KCNH8: variants seen among roughly 807,000 people sequenced by gnomAD.
KCNH8 encodes the protein potassium voltage-gated channel subfamily H member 8.
In KCNH8, 70 loss-of-function variants were observed where a neutral mutation model predicts 103.6. The observed-to-expected ratio is 0.68, with a 90% CI of 0.56 to 0.82. The LOEUF (loss-of-function observed/expected upper bound fraction) is 0.82, where lower values mean the gene tolerates loss of function less well. Ranked by LOEUF, KCNH8 falls within the 40% of genes least tolerant of loss-of-function variation. The pLI, the probability that KCNH8 is intolerant of heterozygous loss-of-function variation, is 0.00. For synonymous variants in KCNH8, 498 were observed against 489.4 expected (o/e 1.02, Z -0.23); for missense variants, 1,217 against 1,329.9 (o/e 0.92, Z 1.32).
At chr3:19,449,094 G>T in intron 8 of KCNH8, 1 of 495,804 alleles carries the variant, frequency 2.0e-6, no homozygotes. Flanking sequence ...GGAAAGTGAG[G>T]TCCATCCTTT....
chr3:19,530,643 A>G (rs1273910057), intron 15 of KCNH8, among the ~76,000 whole-genome samples: 1 of 152,180 alleles, frequency 6.6e-6, no homozygotes, highest in African/African-American at 2.4e-5. Context: ...ACATTTTTAG[A>G]GATGACGCTA....
In KCNH8 at chr3:19,364,219, C is replaced by T. The variant is rs189000891; in HGVS notation, c.811+16254C>T. On this transcript the variant is annotated intron_variant, in intron 5 of 15. Coordinates refer to ENST00000328405, the MANE Select transcript of KCNH8 (RefSeq NM_144633.3). ...AGGTCCGTATACCCATATACCCCCA[C>T]GTCTTCATGCCCACGCCTCCACAAC... Among the ~76,000 whole-genome samples the T allele has an allele frequency of 2.0e-3, 307 of 152,168 alleles. 3 individuals carry two copies. In the South Asian group the frequency reaches 0.025, roughly 12 times the overall value.
chr3:19,436,704 G>C (rs781136940), intron 7 of KCNH8, among the ~76,000 whole-genome samples: 1 of 152,148 alleles, frequency 6.6e-6, no homozygotes, highest in Non-Finnish European at 1.5e-5. Context: ...GTTGCTCCCT[G>C]AAACACTTCA....
chr3:19,291,219 A>C (rs553358007), intron 3 of KCNH8, among the ~76,000 whole-genome samples: 37 of 152,214 alleles, frequency 2.4e-4, no homozygotes, highest in African/African-American at 8.7e-4. Context: ...GATTTTTTGA[A>C]GGGTTTTTTG....
chr3:19,160,426 C>A (rs1299671547), intron 1 of KCNH8, among the ~76,000 whole-genome samples: 1 of 152,014 alleles, frequency 6.6e-6, no homozygotes, highest in East Asian at 1.9e-4. Context: ...TATATGCAAT[C>A]ATGTAACCAC....
intron 12 of KCNH8, among the ~76,000 whole-genome samples, chr3:19,512,643 G>C (rs977877627): frequency 1.3e-5 from 2 of 152,142 alleles, no homozygotes; most frequent in African/African-American, 4.8e-5. Flanking sequence ...TATTACAAAT[G>C]ACAGGCTGAT....
At chr3:19,210,942 G>C (rs905321280) in intron 1 of KCNH8, among the ~76,000 whole-genome samples, 1 of 152,120 alleles carries the variant, frequency 6.6e-6, no homozygotes, top group African/African-American at 2.4e-5. Flanking sequence ...GAAGATGTTT[G>C]CATACTATCC....
At position 19,518,044 on chromosome 3, in the gene KCNH8, C is replaced by A; in HGVS notation, c.2589C>A (p.Thr863=). 1 of 1,612,122 alleles carries A rather than the reference C, an allele frequency of 6.2e-7. No homozygotes were observed. The highest frequency in any genetic ancestry group is 1.1e-5 in the South Asian group (1 of 91,038). The change falls in exon 15 of 16, where the codon ACC becomes ACA. Residue 863 remains threonine (T), a synonymous_variant. Coordinates refer to ENST00000328405, the MANE Select transcript of KCNH8 (RefSeq NM_144633.3). ...AAVLFIKAEE[T]KQQINKLNSE... is the part of the protein sequence containing the mutation. ...TTCTCTTCATCAAAGCAGAGGAGAC[C>A]AAGCAGCAGATAAACAAACTCAACA...
intron 1 of KCNH8, among the ~76,000 whole-genome samples, chr3:19,168,645 C>G (rs1470098821): frequency 1.3e-5 from 2 of 152,118 alleles, no homozygotes; most frequent in African/African-American, 4.8e-5. Flanking sequence ...TAAATGTGAA[C>G]AGCCATAAAC....
At chr3:19,264,448 C>T (rs192224069) in intron 2 of KCNH8, among the ~76,000 whole-genome samples, 3 of 152,228 alleles carry the variant, frequency 2.0e-5, no homozygotes, top group African/African-American at 7.2e-5. Flanking sequence ...ATTGCTTAAT[C>T]AATGAGCAGG....
intron 1 of KCNH8, among the ~76,000 whole-genome samples, chr3:19,204,098 T>C (rs1043304521): frequency 6.6e-6 from 1 of 152,112 alleles, no homozygotes; most frequent in African/African-American, 2.4e-5. Context: ...TCCCATTCAC[T>C]GTTAAATATC....
At chr3:19,285,064 G>A (rs528803305) in intron 3 of KCNH8, among the ~76,000 whole-genome samples, 65 of 151,954 alleles carry the variant, frequency 4.3e-4, no homozygotes, top group African/African-American at 1.5e-3. Context: ...TTTGGTTGGA[G>A]TGGTTCAGAG....
rs376545982 is a variant in KCNH8, at chr3:19,200,912, T to C, written c.76+52117T>C. Among the ~76,000 whole-genome samples the C allele has an allele frequency of 3.3e-5, 5 of 152,004 alleles. No individual in the cohort carries two copies. In the South Asian group the frequency reaches 1.0e-3, roughly 32 times the overall value. On this transcript the variant is annotated intron_variant, in intron 1 of 15. Transcript: ENST00000328405. ...ATTTTGAAGTATGTAAAAAAAATTA[T>C]ATATAAGCCGTTATTCTCTTAAAAT...
At chr3:19,339,928 G>A (rs2125315329) in intron 3 of KCNH8, among the ~76,000 whole-genome samples, 1 of 152,072 alleles carries the variant, frequency 6.6e-6, no homozygotes, top group South Asian at 2.1e-4. Context: ...AACACTGATT[G>A]AAGTCACTAA....
intron 7 of KCNH8, among the ~76,000 whole-genome samples, chr3:19,435,212 T>G (rs758413336): frequency 6.6e-6 from 1 of 151,924 alleles, no homozygotes; most frequent in Non-Finnish European, 1.5e-5. Flanking sequence ...AAAAAAAGAA[T>G]CAAAATATGC....
At chr3:19,521,384 G>C (rs1001892307) in intron 15 of KCNH8, among the ~76,000 whole-genome samples, 8 of 151,948 alleles carry the variant, frequency 5.3e-5, no homozygotes, top group African/African-American at 1.9e-4. Context: ...GATAATAATA[G>C]AACCTGTAAT....
chr3:19,296,663 G>A (rs1371444098), intron 3 of KCNH8, among the ~76,000 whole-genome samples: 1 of 152,166 alleles, frequency 6.6e-6, no homozygotes, highest in Non-Finnish European at 1.5e-5. Flanking sequence ...AAAAGCATAA[G>A]AATGATACGA....
chr3:19,236,202 A>G (rs1046812980), intron 1 of KCNH8, among the ~76,000 whole-genome samples: 2 of 152,180 alleles, frequency 1.3e-5, no homozygotes, highest in African/African-American at 4.8e-5. Context: ...ACTTCATTGA[A>G]GTTGTTAGTC....
chr3:19,511,207 T>C (rs2068778001), intron 12 of KCNH8, among the ~76,000 whole-genome samples: 1 of 145,166 alleles, frequency 6.9e-6, no homozygotes, highest in African/African-American at 2.5e-5. Context: ...TGTGTTCTCA[T>C]TGTTCAACTC....
Sources: gnomAD v4.1 joint callset for allele counts (sites outside exome capture counted in the v4.1 genomes callset) on GRCh38, gnomAD v4.1.1 for gene constraint, MANE v1.5 for transcripts, NCBI Gene and HGNC (gene_info 2026-07-23, HGNC 2026-07-21) for gene names.